Variants in CD163 observed in about 807,000 individuals in gnomAD.
CD163 encodes the protein CD163 molecule.
Under a neutral mutation model 129.2 loss-of-function variants are expected in CD163, and 64 were observed. That is an observed-to-expected ratio of 0.50 (90% confidence interval 0.41 to 0.61). The LOEUF (loss-of-function observed/expected upper bound fraction) is 0.61, where lower values mean the gene tolerates loss of function less well. Among genes scored for constraint, CD163 ranks in the 20% least tolerant of loss-of-function variants. The pLI is 0.00. For synonymous variants in CD163, 446 were observed against 478.5 expected, an observed-to-expected ratio of 0.93 and a Z score of 0.89; for missense variants, 1,061 against 1,377.9, an observed-to-expected ratio of 0.77 and a Z score of 3.64.
At chr12:7,502,959 C>T (rs1319980949) in intron 1 of CD163, among the ~76,000 whole-genome samples, 2 of 152,056 alleles carry the variant, frequency 1.3e-5, no homozygotes, top group African/African-American at 2.4e-5. Context: ...TTATGGATGC[C>T]CCCATCTTTA....
rs1949241287 is a variant in CD163, at chr12:7,485,887, A to G, written c.2459-471T>C. On this transcript the variant is annotated intron_variant, in intron 10 of 16. Transcript: ENST00000432237. The surrounding 1 kb of genome is among the most constrained non-coding windows in gnomAD (Gnocchi z 4.5). ...TATGTCATTAAAATAGGAATAAATC[A>G]CTTCTGAGATACAGAGTTTTTCACT... Among the ~76,000 whole-genome samples, 2 of 152,328 alleles carry G rather than the reference A, an allele frequency of 1.3e-5. No homozygotes were observed. Among genetic ancestry groups the G allele is most frequent in the Middle Eastern group, 6.8e-3 (2 of 294 alleles).
chr12:7,497,185 C>T, intron 4 of CD163, 52 bp from the exon 5 acceptor site: 1 of 1,406,620 alleles, frequency 7.1e-7, no homozygotes, highest in East Asian at 2.3e-5. Context: ...GAACATGAGA[C>T]TATAAATAGC....
intron 3 of CD163, among the ~76,000 whole-genome samples, chr12:7,500,755 A>C (rs2136744868): frequency 6.6e-6 from 1 of 152,272 alleles, no homozygotes; most frequent in South Asian, 2.1e-4. Context: ...AAATGGTAAT[A>C]ATTTGTGGGT....
At position 7,470,997 on chromosome 12, in the gene CD163, TA is replaced by T. The variant is rs1179971343; in HGVS notation, c.*431del. Reference sequence around the variant, plus strand: ...ACTAAAGTAAAAATAAATTTATTTTTATTTGGTAATAGGAAAATTATTCAAA... The same window carrying T: ...ACTAAAGTAAAAATAAATTTATTTTTTTTGGTAATAGGAAAATTATTCAAA... On this transcript the variant is annotated 3_prime_UTR_variant, in exon 17 of 17. Transcript: ENST00000432237. 6.6e-6 allele frequency: 1 copy of T among 152,144 alleles called. No individual in the cohort carries two copies. The highest frequency in any genetic ancestry group is 1.5e-5 in the Non-Finnish European group (1 of 68,028). 9.4% of individuals were successfully genotyped at this position (152,144 alleles called of 1,614,324 possible). A position where few individuals can be genotyped will look rare whatever the true frequency, so the allele number is the denominator to read the frequency against.
chr12:7,485,994 A>C lies in CD163; in HGVS notation c.2458+505T>G, dbSNP rs1172160585. On this transcript the variant is annotated intron_variant, in intron 10 of 16. Transcript: ENST00000432237. This position sits in a 1 kb window ranked among gnomAD's most constrained non-coding sequence, Gnocchi z 4.5. ...TTTTAAATTTCAGAATGTTTTCTAA[A>C]ACTCACCATGTATACAAAGCAGTAT... Among the ~76,000 whole-genome samples the C allele has an allele frequency of 6.6e-6, 1 of 152,176 alleles. No homozygotes were observed. The highest frequency in any genetic ancestry group is 2.4e-5 in the African/African-American group (1 of 41,430).
Position 7,479,844 on chromosome 12 carries a change from A to G in CD163, c.*31+16T>C, listed in dbSNP as rs374993621. ...CAGCTGTTTTGAACAATGACTAATAAATTCTCATCACTCACCTCACTGGGT... is the reference window on the plus strand; with the variant it reads ...CAGCTGTTTTGAACAATGACTAATAGATTCTCATCACTCACCTCACTGGGT... On this transcript the variant is annotated intron_variant, in intron 16 of 16. Transcript: ENST00000432237. 8.9e-5 allele frequency: 144 copies of G among 1,609,118 alleles called. No individual in the cohort carries two copies. Among genetic ancestry groups the G allele is most frequent in the Non-Finnish European group, 1.2e-4 (140 of 1,178,288 alleles).
chr12:7,473,576 A>G (rs1268809072), intron 16 of CD163, among the ~76,000 whole-genome samples: 1 of 152,214 alleles, frequency 6.6e-6, no homozygotes, highest in East Asian at 1.9e-4. Flanking sequence ...TGAAGGAAGC[A>G]CTAAATATGG....
intron 16 of CD163, among the ~76,000 whole-genome samples, chr12:7,477,476 T>C (rs1949102916): frequency 6.6e-6 from 1 of 152,046 alleles, no homozygotes; most frequent in African/African-American, 2.4e-5. Context: ...CTCAGCAAAC[T>C]AACACAGGAA....
chr12:7,480,266 C>A, intron 15 of CD163: 1 of 300,074 alleles, frequency 3.3e-6, no homozygotes, highest in Admixed American at 5.4e-5. Context: ...GTCAGGGACC[C>A]TTCATGGAGT....
In CD163 at chr12:7,502,622, G is replaced by A; in HGVS notation, c.47-58C>T. On this transcript the variant is annotated intron_variant, in intron 1 of 16. Transcript: ENST00000432237. ...CTTCCCAAAAAGAGACTTTGGAGAAGATAGATGGTTTCAGAGGTTAATTAA... is the reference window on the plus strand; with the variant it reads ...CTTCCCAAAAAGAGACTTTGGAGAAAATAGATGGTTTCAGAGGTTAATTAA... 3.4e-6 allele frequency: 3 copies of A among 884,238 alleles called. No homozygotes were observed. The South Asian group carries it at 4.3e-5, about 13-fold the overall frequency. 54.8% of individuals were successfully genotyped at this position (884,238 alleles called of 1,614,324 possible).
At position 7,495,123 on chromosome 12, in the gene CD163, G is replaced by T; in HGVS notation, c.1378C>A (p.Leu460Ile). ...WDCKNWQWGG[L>I]TCDHYEEAKI... ...GCTTCTTCATAGTGATCACAGGTAA[G>T]TCCACCCCATTGCCAGTTCTTGCAG... Residue 460 changes from leucine (L) to isoleucine (I), a missense_variant, in exon 6 of 17, where the codon CTT becomes ATT. By Grantham distance (5) the Leu-to-Ile change is conservative. Transcript: ENST00000432237. 1 of 1,614,138 alleles carries T rather than the reference G, an allele frequency of 6.2e-7. No homozygotes were observed. Among genetic ancestry groups the T allele is most frequent in the Admixed American group, 1.7e-5 (1 of 60,016 alleles).
chr12:7,477,970 T>TA (rs1333984883), intron 16 of CD163, among the ~76,000 whole-genome samples: 1 of 152,170 alleles, frequency 6.6e-6, no homozygotes, highest in Non-Finnish European at 1.5e-5. Context: ...TATGAATGCA[T>TA]AATTTTATAG....
chr12:7,487,556 T>C lies in CD163; in HGVS notation c.1853A>G (p.His618Arg). The C allele has an allele frequency of 6.2e-7, 1 of 1,614,094 alleles. No homozygotes were observed. The highest frequency in any genetic ancestry group is 8.5e-7 in the Non-Finnish European group (1 of 1,180,014). The stretch of plus-strand genomic sequence containing the variant: ...ACATTTAAGCTGCTGGCAAAGAACA[T>C]GGGCATCTTCTATGTCCCAGTGAGA... ...CNSHWDIEDAHVLCQQLKCGV... is the reference protein window; with the variant it reads ...CNSHWDIEDARVLCQQLKCGV... The change falls in exon 8 of 17, where the codon CAT becomes CGT. Residue 618 changes from histidine (H) to arginine (R), a missense_variant. Physicochemically the swap from His to Arg is conservative, Grantham distance 29. Coordinates refer to ENST00000432237, the MANE Select transcript of CD163 (RefSeq NM_203416.4). The surrounding 1 kb of genome is among the most constrained non-coding windows in gnomAD (Gnocchi z 5.1).
chr12:7,480,242 G>T (rs998327131), intron 15 of CD163: 4 of 353,184 alleles, frequency 1.1e-5, no homozygotes, highest in African/African-American at 6.6e-5. Flanking sequence ...AGTGAGGCAG[G>T]CCCCTCTCAG....
At chr12:7,498,576 CCT>C (rs1322708381) in intron 4 of CD163, among the ~76,000 whole-genome samples, 1 of 152,014 alleles carries the variant, frequency 6.6e-6, no homozygotes, top group African/African-American at 2.4e-5. Context: ...TCCTTTTTCC[CCT>C]CTTTTTCTTT....
intron 4 of CD163, among the ~76,000 whole-genome samples, chr12:7,498,392 G>A (rs942785663): frequency 6.6e-6 from 1 of 152,044 alleles, no homozygotes; most frequent in Non-Finnish European, 1.5e-5. Flanking sequence ...GTTTTAATGA[G>A]AAACCAATAT....
rs764416279 is a variant in CD163, at chr12:7,501,443, C to T, written c.153G>A (p.Leu51=). The T allele has an allele frequency of 4.3e-6, 7 of 1,613,730 alleles. No homozygotes were observed. The African/African-American group carries it at 8.0e-5, about 18-fold the overall frequency. ...ACTTGTTTTCACCATCCACTAGCCT[C>T]AGCTCCTTGTCTGTTCCTCCTGCAA... is the stretch of plus-strand genomic sequence containing the variant. ...TSSLGGTDKE[L]RLVDGENKCS... Residue 51 remains leucine (L), a synonymous_variant, in exon 3 of 17, where the codon CTG becomes CTA. Transcript: ENST00000432237.
Position 7,485,545 on chromosome 12 carries a change from TC to T in CD163, c.2459-130del. On this transcript the variant is annotated intron_variant, in intron 10 of 16. Transcript: ENST00000432237. The surrounding 1 kb of genome is among the most constrained non-coding windows in gnomAD (Gnocchi z 4.5). ...GTACAATATGTCAGTTACTAATAAT[TC>T]GTTAGTAACTTCTGGATGATTTCAT... 1.2e-5 allele frequency: 6 copies of T among 517,530 alleles called. No homozygotes were observed. The highest frequency in any genetic ancestry group is 4.2e-5 in the South Asian group (1 of 23,882). The allele number at this position is 517,530 out of a possible 1,614,324, so 32.1% of individuals were successfully genotyped here. A position where few individuals can be genotyped will look rare whatever the true frequency, so the allele number is the denominator to read the frequency against.
At chr12:7,479,715 T>C in intron 16 of CD163, 145 bp downstream of exon 16, 1 of 664,138 alleles carries the variant, frequency 1.5e-6, no homozygotes, top group South Asian at 2.3e-5. Context: ...ATTCTCAATA[T>C]AGATATATAC....
Sources: gnomAD v4.1 joint callset for allele counts (sites outside exome capture counted in the v4.1 genomes callset) on GRCh38, gnomAD v4.1.1 for gene constraint, Gnocchi (gnomAD v3.1) non-coding constraint, MANE v1.5 for transcripts, NCBI Gene and HGNC (gene_info 2026-07-23, HGNC 2026-07-21) for gene names.